Variants in CLASP1 observed in about 807,000 individuals in gnomAD.
CLASP1 encodes CLIP-associating protein 1.
Under a neutral mutation model 192.3 loss-of-function variants are expected in CLASP1, and 38 were observed. That is an observed-to-expected ratio of 0.20 (90% CI 0.15 to 0.26). The LOEUF (loss-of-function observed/expected upper bound fraction) is 0.26. CLASP1 is among the 10% of genes least tolerant of loss of function. The pLI, the probability that CLASP1 is intolerant of heterozygous loss-of-function variation, is 1.00. For missense variants in CLASP1, 1,433 were observed against 1,932.5 expected (o/e 0.74, Z 4.85); for synonymous variants, 691 against 712.8 (o/e 0.97, Z 0.49).
At chr2:121,443,954 T>G (rs542337211) in intron 19 of CLASP1, among the ~76,000 whole-genome samples, 1 of 152,312 alleles carries the variant, frequency 6.6e-6, no homozygotes, top group East Asian at 1.9e-4. Flanking sequence ...ATGCTAGCCC[T>G]TTAGGGTGAC....
At chr2:121,406,876 C>G (rs2076984998) in intron 25 of CLASP1, among the ~76,000 whole-genome samples, 1 of 152,152 alleles carries the variant, frequency 6.6e-6, no homozygotes. Context: ...CAGGTATGAG[C>G]CACTGTGTCC....
chr2:121,403,562 T>G, intron 26 of CLASP1: 1 of 451,652 alleles, frequency 2.2e-6, no homozygotes, highest in Non-Finnish European at 4.5e-6. Flanking sequence ...CATTAAAGAT[T>G]TGCTTCTGCT....
chr2:121,524,182 G>GA (rs1298483705), intron 6 of CLASP1, among the ~76,000 whole-genome samples: 10 of 152,174 alleles, frequency 6.6e-5, no homozygotes, highest in African/African-American at 2.4e-4. Context: ...AATGAGGAGA[G>GA]AATCACCTCA....
intron 20 of CLASP1, among the ~76,000 whole-genome samples, chr2:121,429,623 G>A (rs1164622207): frequency 1.3e-5 from 2 of 152,178 alleles, no homozygotes; most frequent in African/African-American, 2.4e-5. Flanking sequence ...AGAGAGGTGC[G>A]GGCTGCAAAT....
intron 1 of CLASP1, among the ~76,000 whole-genome samples, chr2:121,607,965 T>G (rs2064670770): frequency 6.6e-6 from 1 of 152,164 alleles, no homozygotes; most frequent in African/African-American, 2.4e-5. Flanking sequence ...ACTTTACTGC[T>G]TCCAACAACA....
At chr2:121,642,147 G>A (rs187801621) in intron 1 of CLASP1, among the ~76,000 whole-genome samples, 13 of 152,166 alleles carry the variant, frequency 8.5e-5, no homozygotes, top group Admixed American at 1.3e-4. Context: ...CTCAGACACA[G>A]TGGCTCACGC....
chr2:121,497,559 G>A (rs1232455852), intron 8 of CLASP1, among the ~76,000 whole-genome samples: 1 of 152,146 alleles, frequency 6.6e-6, no homozygotes, highest in African/African-American at 2.4e-5. Flanking sequence ...CCACGGATAT[G>A]TGTAACCAGG....
At chr2:121,641,740 AT>A (rs1345849392) in intron 1 of CLASP1, among the ~76,000 whole-genome samples, 4 of 152,362 alleles carry the variant, frequency 2.6e-5, no homozygotes, top group Non-Finnish European at 5.9e-5. Context: ...ATAGCAAAAA[AT>A]ATACTTAAAT....
At chr2:121,471,258 G>T (rs2090667764) in intron 8 of CLASP1, among the ~76,000 whole-genome samples, 1 of 152,104 alleles carries the variant, frequency 6.6e-6, no homozygotes, top group Admixed American at 6.5e-5. Context: ...TTCCAGCCTG[G>T]GTGACAGAGC....
At chr2:121,558,506 T>C (rs534977973) in intron 2 of CLASP1, among the ~76,000 whole-genome samples, 1 of 152,314 alleles carries the variant, frequency 6.6e-6, no homozygotes, top group South Asian at 2.1e-4. Context: ...AATGAATTAA[T>C]GGGTTATCAC....
chr2:121,474,612 T>G (rs1437670163), intron 8 of CLASP1, among the ~76,000 whole-genome samples: 3 of 152,176 alleles, frequency 2.0e-5, no homozygotes, highest in African/African-American at 4.8e-5. Context: ...GGTGGGTGCC[T>G]GTAGTCGCAG....
chr2:121,448,941 T>C lies in CLASP1; in HGVS notation c.1691+12A>G. The stretch of plus-strand genomic sequence containing the variant: ...TTCTCACATGAATGATAAGCAAAGA[T>C]GAATCTCTTACTTTAGACTCTCTTG... On this transcript the variant is annotated intron_variant, in intron 17 of 39. Transcript: ENST00000263710. 6.2e-7 allele frequency: 1 copy of C among 1,607,100 alleles called. No homozygotes were observed. The highest frequency in any genetic ancestry group is 8.5e-7 in the Non-Finnish European group (1 of 1,177,072).
chr2:121,400,529 G>A (rs1489727816), intron 28 of CLASP1, among the ~76,000 whole-genome samples: 2 of 152,168 alleles, frequency 1.3e-5, no homozygotes, highest in East Asian at 3.8e-4. Context: ...CCACCCCCCT[G>A]CCCCCACAGG....
intron 8 of CLASP1, among the ~76,000 whole-genome samples, chr2:121,494,480 G>A (rs534123724): frequency 6.6e-6 from 1 of 152,136 alleles, no homozygotes; most frequent in African/African-American, 2.4e-5. Flanking sequence ...GAAGGGAGTG[G>A]GGATGGTTAA....
intron 19 of CLASP1, among the ~76,000 whole-genome samples, chr2:121,440,794 G>GA (rs1178125302): frequency 7.1e-6 from 1 of 141,330 alleles, no homozygotes; most frequent in South Asian, 2.2e-4. Flanking sequence ...TGTGAAGGGA[G>GA]AAAAAAAAGT....
exon 2 of CLASP1, chr2:121,606,111 A>G (rs2064378972): frequency 3.5e-6 from 2 of 564,656 alleles, no homozygotes; most frequent in East Asian, 5.7e-5. Flanking sequence ...CTAGTAGGAG[A>G]TAAAGGAGTG....
At chr2:121,643,823 C>T (rs1036208501) in intron 1 of CLASP1, among the ~76,000 whole-genome samples, 3 of 152,112 alleles carry the variant, frequency 2.0e-5, no homozygotes, top group African/African-American at 4.8e-5. Flanking sequence ...AATGATATCA[C>T]GAATGTAAAG....
At chr2:121,498,077 C>A (rs1187455338) in intron 8 of CLASP1, among the ~76,000 whole-genome samples, 1 of 152,046 alleles carries the variant, frequency 6.6e-6, no homozygotes. Flanking sequence ...CCAGGCTGGT[C>A]TGGAACTCCT....
intron 8 of CLASP1, among the ~76,000 whole-genome samples, chr2:121,489,888 G>A (rs1395484519): frequency 6.6e-6 from 1 of 152,158 alleles, no homozygotes; most frequent in Non-Finnish European, 1.5e-5. Context: ...GAAATTTCTA[G>A]CCAGTAGATT....
Sources: allele counts gnomAD v4.1 joint callset (sites outside exome capture counted in the v4.1 genomes callset), GRCh38; gene constraint gnomAD v4.1.1; transcripts MANE v1.5; gene names NCBI Gene and HGNC (gene_info 2026-07-23, HGNC 2026-07-21).